The following KDM1B variants were observed in gnomAD, a reference collection of about 807,000 sequenced individuals.
KDM1B encodes the protein lysine demethylase 1B.
Under a neutral mutation model 107.4 loss-of-function variants are expected in KDM1B, and 63 were observed. The ratio of observed to expected loss-of-function variants is 0.59; its 90% CI spans 0.48 to 0.72. KDM1B has a LOEUF of 0.72. KDM1B is among the 30% of genes least tolerant of loss of function. The probability of loss-of-function intolerance (pLI) is 0.00; values close to 1 mark genes in which losing one functional copy is unlikely to be tolerated. For synonymous variants in KDM1B, 363 were observed against 363.9 expected (o/e 1.00, Z 0.03); for missense variants, 749 against 1,020.8 (o/e 0.73, Z 3.63).
chr6:18,158,058 C>T (rs578085717), intron 2 of KDM1B, among the ~76,000 whole-genome samples: 1 of 152,068 alleles, frequency 6.6e-6, no homozygotes, highest in African/African-American at 2.4e-5. Context: ...CGTGATCCGC[C>T]CACCTCAGCC....
rs1787936333 is a variant in KDM1B, at chr6:18,200,105, C to T, written c.1222-334C>T. Reference sequence around the variant, plus strand: ...GCCAAACTGGTCACAAACTCTTGGCCTCATGTGATCCTCCTGCCTCGGCCT... The same window carrying T: ...GCCAAACTGGTCACAAACTCTTGGCTTCATGTGATCCTCCTGCCTCGGCCT... On this transcript the variant is annotated intron_variant, in intron 12 of 21. Transcript: ENST00000650836. The surrounding 1 kb of genome is among the most constrained non-coding windows in gnomAD (Gnocchi z 4.3). Among the ~76,000 whole-genome samples the T allele has an allele frequency of 6.6e-6, 1 of 152,152 alleles. No homozygotes were observed. Among genetic ancestry groups the T allele is most frequent in the South Asian group, 2.1e-4 (1 of 4,832 alleles).
intron 17 of KDM1B, among the ~76,000 whole-genome samples, chr6:18,208,603 G>GTATATATATATGTATATATATA (rs1554149813): frequency 8.6e-5 from 3 of 34,896 alleles, no homozygotes; most frequent in African/African-American, 1.2e-4. Context: ...GTATGTGTAT[G>GTATATATATATGTATATATATA]TATATATATA....
chr6:18,203,996 T>A lies in KDM1B; in HGVS notation c.1532-1541T>A, dbSNP rs1788212846. On this transcript the variant is annotated intron_variant, in intron 14 of 21. Coordinates refer to ENST00000650836, the MANE Select transcript of KDM1B (RefSeq NM_001364614.2). The surrounding 1 kb of genome is among the most constrained non-coding windows in gnomAD (Gnocchi z 5.5). ...CAGCAGGAAGCGGGGATGGGACTTC[T>A]ACAAAAGTCACAGAAAGTGGCACAA... Among the ~76,000 whole-genome samples the A allele has an allele frequency of 6.6e-6, 1 of 152,098 alleles. No individual in the cohort carries two copies. Among genetic ancestry groups the A allele is most frequent in the Non-Finnish European group, 1.5e-5 (1 of 68,018 alleles).
intron 2 of KDM1B, among the ~76,000 whole-genome samples, chr6:18,158,364 G>A (rs1020530096): frequency 9.6e-5 from 14 of 145,992 alleles, no homozygotes; most frequent in Admixed American, 1.4e-4. Flanking sequence ...AAAATCATCC[G>A]TAACATTGAT....
chr6:18,207,605 CA>C, intron 16 of KDM1B, 76 bp downstream of exon 16: 1 of 1,568,146 alleles, frequency 6.4e-7, no homozygotes, highest in Non-Finnish European at 8.8e-7. Context: ...GCGGCTCACG[CA>C]GGAGAATGGG....
chr6:18,196,096 G>T (rs1417599750), intron 10 of KDM1B, among the ~76,000 whole-genome samples: 1 of 152,196 alleles, frequency 6.6e-6, no homozygotes, highest in African/African-American at 2.4e-5. Context: ...ATTTGTCTGT[G>T]TCTGGTTTAT....
chr6:18,180,357 C>A (rs1297278203), intron 7 of KDM1B, among the ~76,000 whole-genome samples: 1 of 152,050 alleles, frequency 6.6e-6, no homozygotes, highest in Non-Finnish European at 1.5e-5. Flanking sequence ...GAAAAGTTGA[C>A]TCAGTGGCAT....
In KDM1B at chr6:18,212,362, C is replaced by A. The variant is rs549886230; in HGVS notation, c.1867-126C>A. On this transcript the variant is annotated intron_variant, in intron 17 of 21. Coordinates refer to ENST00000650836, the MANE Select transcript of KDM1B (RefSeq NM_001364614.2). This position sits in a 1 kb window ranked among gnomAD's most constrained non-coding sequence, Gnocchi z 5.2. The stretch of plus-strand genomic sequence containing the variant: ...ATTGGCACCCTTGTGCAGTGAGCAA[C>A]CTGCACAGTTGCACATGGCAGCCCT... 109 of 738,740 alleles carry A rather than the reference C, an allele frequency of 1.5e-4. No individual in the cohort carries two copies. The highest frequency in any genetic ancestry group is 2.7e-4 in the Admixed American group (15 of 55,974). The allele number at this position is 738,740 out of a possible 1,614,324, so 45.8% of individuals were successfully genotyped here.
chr6:18,160,089 G>A (rs1289487739), intron 3 of KDM1B, 107 bp downstream of exon 3: 2 of 682,006 alleles, frequency 2.9e-6, no homozygotes, highest in African/African-American at 3.6e-5. Flanking sequence ...CAAGTTGCTT[G>A]TATTCTAGGG....
At chr6:18,206,587 TATG>T (rs1280497418) in intron 15 of KDM1B, among the ~76,000 whole-genome samples, 1 of 152,074 alleles carries the variant, frequency 6.6e-6, no homozygotes, top group Non-Finnish European at 1.5e-5. Flanking sequence ...CAGGGTCTCT[TATG>T]TTTTTCTTAT....
At position 18,214,737 on chromosome 6, in the gene KDM1B, C is replaced by A. The variant is rs991293970; in HGVS notation, c.2110-270C>A. Among the ~76,000 whole-genome samples, 3 of 152,140 alleles carry A rather than the reference C, an allele frequency of 2.0e-5. No homozygotes were observed. Among genetic ancestry groups the A allele is most frequent in the Admixed American group, 1.3e-4 (2 of 15,270 alleles). ...CCAGTCTGGCCAACATGGTGAAACCCTGTCTCTACTAAAAATACAAAAGTT... is the reference window on the plus strand; with the variant it reads ...CCAGTCTGGCCAACATGGTGAAACCATGTCTCTACTAAAAATACAAAAGTT... On this transcript the variant is annotated intron_variant, in intron 19 of 21. Coordinates refer to ENST00000650836, the MANE Select transcript of KDM1B (RefSeq NM_001364614.2). The surrounding 1 kb of genome is among the most constrained non-coding windows in gnomAD (Gnocchi z 4.4).
rs190728512 is a variant in KDM1B, at chr6:18,177,093, T to C, written c.534+5614T>C. ...AGAATTCTGCTGTGAATCCATCTGGTCCTGGACTTTTTTTGTTGGTAATCT... is the reference window on the plus strand; with the variant it reads ...AGAATTCTGCTGTGAATCCATCTGGCCCTGGACTTTTTTTGTTGGTAATCT... On this transcript the variant is annotated intron_variant, in intron 7 of 21. Transcript: ENST00000650836. Among the ~76,000 whole-genome samples, 582 of 152,338 alleles carry C rather than the reference T, an allele frequency of 3.8e-3. 5 individuals carry two copies. Among genetic ancestry groups the C allele is most frequent in the African/African-American group, 0.013 (550 of 41,584 alleles).
rs1788653416 is a variant in KDM1B at position 18,209,374 on chromosome 6, C to T, written c.1866+1168C>T. Among the ~76,000 whole-genome samples the T allele has an allele frequency of 6.6e-6, 1 of 152,180 alleles. No homozygotes were observed. ...CACTTCAGGTATCTAAAACTTATTT[C>T]ATAGTCCTTGATTTTCATACAGAAG... On this transcript the variant is annotated intron_variant, in intron 17 of 21. Coordinates refer to ENST00000650836, the MANE Select transcript of KDM1B (RefSeq NM_001364614.2). The surrounding 1 kb of genome is among the most constrained non-coding windows in gnomAD (Gnocchi z 4.3).
rs1381506792 is a variant in KDM1B at position 18,179,859 on chromosome 6, T to C, written c.535-5913T>C. ...GCATTGGTTTTTTTTCCTTTTTTTT[T>C]TTTTTTTTTTTTTTTTTTTCATAAG... On this transcript the variant is annotated intron_variant, in intron 7 of 21. Coordinates refer to ENST00000650836, the MANE Select transcript of KDM1B (RefSeq NM_001364614.2). 4.9e-5 allele frequency among the ~76,000 whole-genome samples: 6 copies of C among 123,090 alleles called. 1 individual carries two copies. Among genetic ancestry groups the C allele is most frequent in the Admixed American group, 1.6e-4 (2 of 12,286 alleles). The allele number at this position is 123,090 out of a possible 152,430, so 80.8% of individuals were successfully genotyped here.
intron 10 of KDM1B, among the ~76,000 whole-genome samples, chr6:18,195,779 A>T (rs998164957): frequency 2.6e-5 from 4 of 151,540 alleles, no homozygotes; most frequent in Non-Finnish European, 5.9e-5. Context: ...ATTGTGGAAT[A>T]GCTAAATTGA....
intron 7 of KDM1B, among the ~76,000 whole-genome samples, chr6:18,185,209 C>T (rs1561926369): frequency 1.3e-5 from 2 of 151,768 alleles, no homozygotes; most frequent in South Asian, 2.1e-4. Flanking sequence ...TTTAAATGTT[C>T]GTATTTTGTC....
intron 17 of KDM1B, among the ~76,000 whole-genome samples, chr6:18,210,278 G>T (rs1788729621): frequency 7.1e-6 from 1 of 139,990 alleles, no homozygotes; most frequent in African/African-American, 2.6e-5. Context: ...TTACTAGGAT[G>T]TGTTTATATC....
At position 18,200,331 on chromosome 6, in the gene KDM1B, T is replaced by G; in HGVS notation, c.1222-108T>G. Reference sequence around the variant, plus strand: ...TTGTTTTTTTAGAAATATTTGGAATTAACCAAATATAGAGGCTATTTAACA... The same window carrying G: ...TTGTTTTTTTAGAAATATTTGGAATGAACCAAATATAGAGGCTATTTAACA... On this transcript the variant is annotated intron_variant, in intron 12 of 21. Coordinates refer to ENST00000650836, the MANE Select transcript of KDM1B (RefSeq NM_001364614.2). The surrounding 1 kb of genome is among the most constrained non-coding windows in gnomAD (Gnocchi z 4.3). 9.0e-7 allele frequency: 1 copy of G among 1,109,156 alleles called. No individual in the cohort carries two copies. Among genetic ancestry groups the G allele is most frequent in the Non-Finnish European group, 1.3e-6 (1 of 786,760 alleles). The allele number at this position is 1,109,156 out of a possible 1,614,324, so 68.7% of individuals were successfully genotyped here. A position where few individuals can be genotyped will look rare whatever the true frequency, so the allele number is the denominator to read the frequency against.
At position 18,207,474 on chromosome 6, in the gene KDM1B, A is replaced by G; in HGVS notation, c.1736A>G (p.Tyr579Cys). ...GACCACACTCTGCTAACTCCCGGGT[A>G]CTCGGTGATAATTGAAAAACTGGCA... ...AGDHTLLTPG[Y>C]SVIIEKLAEG... The change falls in exon 16 of 22, where the codon TAC (tyrosine) becomes TGC (cysteine). Residue 579 changes from tyrosine to cysteine, a missense_variant. Transcript: ENST00000650836. The G allele has an allele frequency of 6.2e-7, 1 of 1,614,202 alleles. No individual in the cohort carries two copies. The highest frequency in any genetic ancestry group is 8.5e-7 in the Non-Finnish European group (1 of 1,180,022).
Sources: allele counts gnomAD v4.1 joint callset (sites outside exome capture counted in the v4.1 genomes callset), GRCh38; gene constraint gnomAD v4.1.1; non-coding constraint Gnocchi (gnomAD v3.1); transcripts MANE v1.5; gene names NCBI Gene and HGNC (gene_info 2026-07-23, HGNC 2026-07-21).